The following SEMA3A variants were observed in gnomAD, a reference collection of about 807,000 sequenced individuals.
SEMA3A encodes the protein semaphorin 3A.
Under a neutral mutation model 97.9 loss-of-function variants are expected in SEMA3A, and 29 were observed. The ratio of observed to expected loss-of-function variants is 0.30; its 90% CI spans 0.22 to 0.40. SEMA3A has a LOEUF of 0.40. SEMA3A is among the 10% of genes least tolerant of loss of function. The pLI, the probability that SEMA3A is intolerant of heterozygous loss-of-function variation, is 1.00. For synonymous variants in SEMA3A, 321 were observed against 323.7 expected (o/e 0.99, Z 0.09); for missense variants, 763 against 951.3 (o/e 0.80, Z 2.60).
At chr7:84,169,398 T>A (rs976934138) in intron 1 of SEMA3A, among the ~76,000 whole-genome samples, 1 of 150,858 alleles carries the variant, frequency 6.6e-6, no homozygotes, top group African/African-American at 2.4e-5. Flanking sequence ...AAAATTTGAA[T>A]AGTGTAGATA....
At chr7:84,076,032 C>T (rs1036761891) in intron 4 of SEMA3A, among the ~76,000 whole-genome samples, 23 of 152,058 alleles carry the variant, frequency 1.5e-4, no homozygotes, top group African/African-American at 5.3e-4. Context: ...AATGGAAATC[C>T]TCTACCGATT....
chr7:84,482,868 T>G (rs1399711984), intron 1 of SEMA3A, among the ~76,000 whole-genome samples: 1 of 151,754 alleles, frequency 6.6e-6, no homozygotes, highest in Non-Finnish European at 1.5e-5. Flanking sequence ...ATTCTAGTTT[T>G]TTTTTTTTTT....
chr7:84,051,110 T>A lies in SEMA3A; in HGVS notation c.548-4667A>T, dbSNP rs1029403430. Among the ~76,000 whole-genome samples, 4 of 150,538 alleles carry A rather than the reference T, an allele frequency of 2.7e-5. No individual in the cohort carries two copies. The Admixed American group carries it at 2.7e-4, about 10-fold the overall frequency. On this transcript the variant is annotated intron_variant, in intron 5 of 16. Coordinates refer to ENST00000265362, the MANE Select transcript of SEMA3A (RefSeq NM_006080.3). ...CAGTACCATGCTGTTTTGGTTACTG[T>A]AGCCTTGTAGTATAGTTTGAAGTCA...
chr7:84,353,265 C>T (rs1292075885), intron 2 of SEMA3A, among the ~76,000 whole-genome samples: 1 of 151,622 alleles, frequency 6.6e-6, no homozygotes, highest in Non-Finnish European at 1.5e-5. Context: ...TGGTTGAATC[C>T]ATGGATGCAG....
At position 84,440,524 on chromosome 7, in the gene SEMA3A, C is replaced by T. The variant is rs181268737; in HGVS notation, c.-246+51936G>A. On this transcript the variant is annotated intron_variant, in intron 1 of 3. Coordinates refer to the SEMA3A transcript ENST00000424555. ...TATGGGACTTAAAGGGCCAATGAATCCTCCGCCTTTCTTTTTTTCTTTTTG... is the reference window on the plus strand; with the variant it reads ...TATGGGACTTAAAGGGCCAATGAATTCTCCGCCTTTCTTTTTTTCTTTTTG... Among the ~76,000 whole-genome samples, 102 of 152,216 alleles carry T rather than the reference C, an allele frequency of 6.7e-4. 1 individual carries two copies. The highest frequency in any genetic ancestry group is 7.6e-4 in the Non-Finnish European group (52 of 68,018).
intron 3 of SEMA3A, among the ~76,000 whole-genome samples, chr7:84,305,524 T>C (rs35865661): frequency 0.032 from 4,928 of 152,148 alleles, 87 homozygotes; most frequent in South Asian, 0.061. Context: ...TATTGTCAAT[T>C]GCATTCAGTG....
At chr7:84,023,047 C>G (rs1276016773) in intron 6 of SEMA3A, among the ~76,000 whole-genome samples, 1 of 152,212 alleles carries the variant, frequency 6.6e-6, no homozygotes, top group Non-Finnish European at 1.5e-5. Flanking sequence ...CCTCATCCCA[C>G]AGATGGCATT....
At chr7:84,405,592 A>G (rs1486877831) in intron 1 of SEMA3A, among the ~76,000 whole-genome samples, 3 of 152,200 alleles carry the variant, frequency 2.0e-5, no homozygotes, top group Non-Finnish European at 4.4e-5. Flanking sequence ...CAGAATATGC[A>G]TTCTTTGCAG....
chr7:84,364,963 A>G (rs1191300254), intron 2 of SEMA3A, among the ~76,000 whole-genome samples: 1 of 151,726 alleles, frequency 6.6e-6, no homozygotes, highest in Non-Finnish European at 1.5e-5. Context: ...TCTTGATCAA[A>G]GCTGCATGGT....
At chr7:84,409,874 T>C (rs1321185440) in intron 1 of SEMA3A, among the ~76,000 whole-genome samples, 2 of 152,110 alleles carry the variant, frequency 1.3e-5, no homozygotes, top group Non-Finnish European at 2.9e-5. Context: ...TAGATATTTA[T>C]GCATTGCTTT....
chr7:84,047,753 G>T (rs73187462), intron 5 of SEMA3A, among the ~76,000 whole-genome samples: 7,338 of 152,100 alleles, frequency 0.048, 286 homozygotes, highest in East Asian at 0.19. Context: ...TGGAAAATAT[G>T]CAGATAATAA....
intron 3 of SEMA3A, among the ~76,000 whole-genome samples, chr7:84,125,511 CG>C (rs1795763936): frequency 1.3e-5 from 2 of 152,080 alleles, no homozygotes; most frequent in Admixed American, 1.3e-4. Context: ...ACAAATTAGC[CG>C]GATGTGATGG....
intron 5 of SEMA3A, among the ~76,000 whole-genome samples, chr7:84,055,370 G>C (rs899028935): frequency 2.0e-5 from 3 of 152,204 alleles, no homozygotes; most frequent in African/African-American, 4.8e-5. Context: ...CGTGGGCGTA[G>C]GACCCTCCCA....
intron 2 of SEMA3A, among the ~76,000 whole-genome samples, chr7:84,334,594 C>A (rs772021490): frequency 6.6e-6 from 1 of 151,932 alleles, no homozygotes; most frequent in Non-Finnish European, 1.5e-5. Flanking sequence ...TTGGTCCTGG[C>A]CCTCGCTTCT....
chr7:84,246,036 T>C (rs1799469120), intron 3 of SEMA3A, among the ~76,000 whole-genome samples: 1 of 152,166 alleles, frequency 6.6e-6, no homozygotes, highest in South Asian at 2.1e-4. Flanking sequence ...CTGCCTTTCT[T>C]TCAGAAATGC....
intron 2 of SEMA3A, among the ~76,000 whole-genome samples, chr7:84,327,568 A>C (rs757984075): frequency 3.0e-4 from 46 of 152,100 alleles, no homozygotes; most frequent in Admixed American, 7.2e-4. Flanking sequence ...AGCATGAAAA[A>C]TTATTCTTGA....
intron 1 of SEMA3A, among the ~76,000 whole-genome samples, chr7:84,433,452 A>T (rs1185090352): frequency 6.6e-6 from 1 of 152,122 alleles, no homozygotes; most frequent in Non-Finnish European, 1.5e-5. Context: ...TATATGTGCC[A>T]TATTTTCTTA....
At chr7:83,999,769 G>T (rs574942984) in intron 12 of SEMA3A, among the ~76,000 whole-genome samples, 99 of 152,212 alleles carry the variant, frequency 6.5e-4, no homozygotes, top group African/African-American at 2.3e-3. Context: ...CTGGAAATTA[G>T]AAATTCTTAA....
intron 1 of SEMA3A, among the ~76,000 whole-genome samples, chr7:84,167,579 T>C (rs568759486): frequency 2.3e-4 from 35 of 152,232 alleles, no homozygotes; most frequent in African/African-American, 8.2e-4. Context: ...TAAGAACTCA[T>C]GACAATAAAC....
Sources: allele counts gnomAD v4.1 joint callset (sites outside exome capture counted in the v4.1 genomes callset), GRCh38; gene constraint gnomAD v4.1.1; transcripts MANE v1.5; gene names NCBI Gene and HGNC (gene_info 2026-07-23, HGNC 2026-07-21).